The following PGM5 variants were observed in gnomAD, a reference collection of about 807,000 sequenced individuals.
PGM5 encodes phosphoglucomutase-like protein 5.
In PGM5, 23 loss-of-function variants were observed where a neutral mutation model predicts 59.2. That is an observed-to-expected ratio of 0.39 (90% CI 0.28 to 0.55). The LOEUF is 0.55. PGM5 is among the 20% of genes least tolerant of loss of function. The probability of loss-of-function intolerance (pLI) is 0.66; values close to 1 mark genes in which losing one functional copy is unlikely to be tolerated. For missense variants in PGM5, 574 were observed against 748.3 expected (o/e 0.77, Z 2.72); for synonymous variants, 214 against 286.0 (o/e 0.75, Z 2.54).
chr9:68,411,238 G>A (rs1303956968), intron 6 of PGM5, among the ~76,000 whole-genome samples: 1 of 152,000 alleles, frequency 6.6e-6, no homozygotes, highest in African/African-American at 2.4e-5. Flanking sequence ...TTCATTCATA[G>A]GTTATTTGCC....
intron 1 of PGM5, among the ~76,000 whole-genome samples, chr9:68,372,202 C>T (rs377423776): frequency 6.6e-6 from 1 of 151,764 alleles, no homozygotes; most frequent in South Asian, 2.1e-4. Context: ...TATTCTCTCA[C>T]AGTTCTGGAG....
At chr9:68,503,334 C>T (rs1824607628) in intron 10 of PGM5, among the ~76,000 whole-genome samples, 1 of 152,192 alleles carries the variant, frequency 6.6e-6, no homozygotes, top group South Asian at 2.1e-4. Context: ...AGAACACTTA[C>T]ATTAACCTAT....
intron 10 of PGM5, among the ~76,000 whole-genome samples, chr9:68,514,809 A>G (rs553857625): frequency 1.8e-4 from 27 of 152,340 alleles, no homozygotes; most frequent in South Asian, 1.0e-3. Context: ...TTCCTCATTT[A>G]GGAAAATCAT....
chr9:68,406,678 GTATATATA>G (rs782034091), intron 6 of PGM5, among the ~76,000 whole-genome samples: 1 of 23,600 alleles, frequency 4.2e-5, no homozygotes, highest in African/African-American at 1.8e-4. Flanking sequence ...ATATATATAT[GTATATATA>G]TATATATATA....
intron 7 of PGM5, among the ~76,000 whole-genome samples, chr9:68,469,181 G>A (rs563207130): frequency 7.2e-5 from 11 of 152,316 alleles, no homozygotes; most frequent in Admixed American, 1.3e-4. Flanking sequence ...GCCTCCGAAA[G>A]TGCTGGGATG....
intron 10 of PGM5, among the ~76,000 whole-genome samples, chr9:68,502,053 C>T (rs2132107186): frequency 6.6e-6 from 1 of 152,162 alleles, no homozygotes; most frequent in East Asian, 1.9e-4. Flanking sequence ...TTCTTATCTA[C>T]ATCAAAAATA....
At chr9:68,511,953 G>A (rs1438764319) in intron 10 of PGM5, among the ~76,000 whole-genome samples, 7 of 152,162 alleles carry the variant, frequency 4.6e-5, no homozygotes, top group Non-Finnish European at 8.8e-5. Context: ...TTCTCTGAGA[G>A]CTCCCAGGGC....
chr9:68,468,380 G>A (rs1823969342), intron 7 of PGM5, among the ~76,000 whole-genome samples: 1 of 152,190 alleles, frequency 6.6e-6, no homozygotes, highest in Admixed American at 6.5e-5. Flanking sequence ...CAACTGGAAT[G>A]AAAACTGGTA....
At chr9:68,492,972 C>T (rs969646825) in intron 9 of PGM5, among the ~76,000 whole-genome samples, 6 of 152,166 alleles carry the variant, frequency 3.9e-5, no homozygotes, top group African/African-American at 1.4e-4. Context: ...GAGTTAGGCT[C>T]GCAGAGTCTC....
intron 10 of PGM5, among the ~76,000 whole-genome samples, chr9:68,504,775 G>A (rs1458661708): frequency 6.6e-6 from 1 of 152,118 alleles, no homozygotes; most frequent in Non-Finnish European, 1.5e-5. Context: ...CCAGGAGGCT[G>A]GGACTTTGTC....
intron 6 of PGM5, among the ~76,000 whole-genome samples, chr9:68,394,820 C>G (rs1822457377): frequency 6.6e-6 from 1 of 152,006 alleles, no homozygotes; most frequent in Non-Finnish European, 1.5e-5. Flanking sequence ...TGAGATCTTG[C>G]TATGTTGCCT....
chr9:68,447,325 G>T (rs1823627979), intron 6 of PGM5, among the ~76,000 whole-genome samples: 1 of 152,150 alleles, frequency 6.6e-6, no homozygotes, highest in Non-Finnish European at 1.5e-5. Flanking sequence ...GAATTATAAT[G>T]ATGGCTGCAG....
At chr9:68,451,417 A>G (rs1165496827) in intron 6 of PGM5, among the ~76,000 whole-genome samples, 2 of 152,240 alleles carry the variant, frequency 1.3e-5, no homozygotes, top group African/African-American at 4.8e-5. Context: ...CCAATAGTTA[A>G]TTAAATGAGT....
At chr9:68,458,784 T>C (rs900953906) in intron 6 of PGM5, among the ~76,000 whole-genome samples, 12 of 152,218 alleles carry the variant, frequency 7.9e-5, no homozygotes, top group Non-Finnish European at 8.8e-5. Context: ...GTTCATTTTA[T>C]TAATACCTGA....
At chr9:68,516,300 T>A (rs968146260) in intron 10 of PGM5, among the ~76,000 whole-genome samples, 1 of 152,242 alleles carries the variant, frequency 6.6e-6, no homozygotes, top group Non-Finnish European at 1.5e-5. Context: ...CCTCTAGGAA[T>A]GTTCTAGAGG....
chr9:68,381,364 G>A (rs1260104645), intron 2 of PGM5, among the ~76,000 whole-genome samples: 4 of 151,674 alleles, frequency 2.6e-5, no homozygotes, highest in African/African-American at 9.7e-5. Context: ...AGGTATAGAA[G>A]GAAAGTTTCT....
chr9:68,432,740 G>T (rs1256364093), intron 6 of PGM5, among the ~76,000 whole-genome samples: 1 of 151,730 alleles, frequency 6.6e-6, no homozygotes, highest in African/African-American at 2.4e-5. Context: ...CGAGTAGCTG[G>T]GATTACAGGT....
chr9:68,424,245 C>A (rs1238556301), intron 6 of PGM5, among the ~76,000 whole-genome samples: 1 of 152,220 alleles, frequency 6.6e-6, no homozygotes, highest in Non-Finnish European at 1.5e-5. Context: ...TCTGTTCCAG[C>A]TGCTGTCACA....
intron 1 of PGM5, among the ~76,000 whole-genome samples, chr9:68,367,701 T>C (rs1258450246): frequency 6.6e-6 from 1 of 151,958 alleles, no homozygotes; most frequent in African/African-American, 2.4e-5. Flanking sequence ...TGTAAATCTA[T>C]GATTGCCAGA....
Sources: allele counts gnomAD v4.1 joint callset (sites outside exome capture counted in the v4.1 genomes callset), GRCh38; gene constraint gnomAD v4.1.1; transcripts MANE v1.5; gene names NCBI Gene and HGNC (gene_info 2026-07-23, HGNC 2026-07-21).